CNNM2: variants seen among roughly 807,000 people sequenced by gnomAD.
CNNM2 encodes metal transporter CNNM2.
A neutral mutation model predicts 66.9 loss-of-function variants in CNNM2; 12 were observed. The observed-to-expected ratio is 0.18, with a 90% CI of 0.11 to 0.29. The LOEUF is 0.29. Among genes scored for constraint, CNNM2 ranks in the 10% least tolerant of loss-of-function variants. CNNM2 has a pLI of 1.00. For synonymous variants in CNNM2, 557 were observed against 501.8 expected, an observed-to-expected ratio of 1.11 and a Z score of -1.47; for missense variants, 705 against 1,167.7, an observed-to-expected ratio of 0.60 and a Z score of 5.77.
chr10:103,017,837 A>G, intron 1 of CNNM2, among the ~76,000 whole-genome samples: 1 of 151,750 alleles, frequency 6.6e-6, no homozygotes, highest in East Asian at 1.9e-4. Context: ...GGTAGTGGGC[A>G]CCTGTAATCC....
At chr10:102,970,370 T>A (rs1310414187) in intron 1 of CNNM2, among the ~76,000 whole-genome samples, 1 of 152,232 alleles carries the variant, frequency 6.6e-6, no homozygotes, top group Non-Finnish European at 1.5e-5. Context: ...GTGTCATAAA[T>A]AAATTTTGAT....
intron 1 of CNNM2, among the ~76,000 whole-genome samples, chr10:102,929,356 T>C (rs773828816): frequency 1.5e-4 from 23 of 152,052 alleles, no homozygotes; most frequent in Non-Finnish European, 2.9e-4. Context: ...GGCAGAAGGA[T>C]TGCTTGAATC....
chr10:102,977,591 T>G (rs1028614878), intron 1 of CNNM2, among the ~76,000 whole-genome samples: 10 of 152,054 alleles, frequency 6.6e-5, no homozygotes, highest in Non-Finnish European at 1.0e-4. Flanking sequence ...GAGGCCAAGG[T>G]GGGTGGATCA....
rs1177863579 is a variant in CNNM2 at position 102,918,900 on chromosome 10, G to T, written c.420G>T (p.Pro140=). ...PGERGLGGPA[P]PEPDSGPQRC... ...AGCGCGGGCTGGGGGGCCCCGCGCC[G>T]CCAGAGCCGGACAGCGGCCCCCAGC... The change falls in exon 1 of 8, where the codon CCG becomes CCT. Residue 140 remains proline (P), a synonymous_variant. Coordinates refer to ENST00000369878, the MANE Select transcript of CNNM2 (RefSeq NM_017649.5). The surrounding 1 kb of genome is among the most constrained non-coding windows in gnomAD (Gnocchi z 4.1). The T allele has an allele frequency of 1.9e-6, 3 of 1,610,450 alleles. No homozygotes were observed. In the Admixed American group the frequency reaches 5.0e-5, roughly 27 times the overall value.
chr10:103,035,951 C>A (rs1003607103), intron 1 of CNNM2, among the ~76,000 whole-genome samples: 1 of 152,144 alleles, frequency 6.6e-6, no homozygotes, highest in Non-Finnish European at 1.5e-5. Context: ...TCTGGCATAG[C>A]GCACACACAT....
At chr10:103,009,501 G>A (rs1446756845) in intron 1 of CNNM2, among the ~76,000 whole-genome samples, 2 of 151,868 alleles carry the variant, frequency 1.3e-5, no homozygotes, top group Admixed American at 6.6e-5. Context: ...AGACCAGCCT[G>A]GGCAACACCG....
intron 1 of CNNM2, among the ~76,000 whole-genome samples, chr10:102,968,909 T>TA (rs2063507290): frequency 2.5e-5 from 3 of 120,368 alleles, no homozygotes; most frequent in Non-Finnish European, 5.3e-5. Context: ...GCCAGTGCTG[T>TA]CTTTTTTTTT....
intron 4 of CNNM2, among the ~76,000 whole-genome samples, chr10:103,060,493 C>T (rs555472810): frequency 4.6e-5 from 7 of 151,300 alleles, no homozygotes; most frequent in African/African-American, 1.7e-4. Flanking sequence ...TGCAGTGAGC[C>T]GAGATCGTGC....
intron 4 of CNNM2, among the ~76,000 whole-genome samples, chr10:103,066,938 C>T (rs1231654134): frequency 2.0e-5 from 3 of 152,066 alleles, no homozygotes; most frequent in Admixed American, 6.5e-5. Context: ...TAAGTTTATA[C>T]GGCAAGATAA....
At chr10:103,051,213 A>T (rs2065207064) in intron 2 of CNNM2, among the ~76,000 whole-genome samples, 1 of 152,188 alleles carries the variant, frequency 6.6e-6, no homozygotes, top group African/African-American at 2.4e-5. Flanking sequence ...TGGGTAGATC[A>T]CAAAGTCAAG....
Position 103,077,298 on chromosome 10 carries a change from G to A in CNNM2, c.*118G>A, listed in dbSNP as rs571728554. The stretch of plus-strand genomic sequence containing the variant: ...GCCATGCTGTACCCTGCAACATCCT[G>A]AGACCAAAGACCTTGTGCCCTTCCC... On this transcript the variant is annotated 3_prime_UTR_variant, in exon 8 of 8. Coordinates refer to ENST00000369878, the MANE Select transcript of CNNM2 (RefSeq NM_017649.5). 62 of 877,792 alleles carry A rather than the reference G, an allele frequency of 7.1e-5. 1 individual carries two copies. In the East Asian group the frequency reaches 1.5e-3, roughly 21 times the overall value. 54.4% of individuals were successfully genotyped at this position (877,792 alleles called of 1,614,324 possible). A position where few individuals can be genotyped will look rare whatever the true frequency, so the allele number is the denominator to read the frequency against.
intron 1 of CNNM2, among the ~76,000 whole-genome samples, chr10:102,977,165 G>T (rs1251773381): frequency 2.0e-5 from 3 of 152,180 alleles, no homozygotes; most frequent in African/African-American, 7.2e-5. Flanking sequence ...TGGCCCAATT[G>T]TGACAAGCTC....
intron 1 of CNNM2, among the ~76,000 whole-genome samples, chr10:103,042,615 GAACA>G (rs1308525878): frequency 6.6e-6 from 1 of 152,142 alleles, no homozygotes; most frequent in African/African-American, 2.4e-5. Context: ...GATATTTATG[GAACA>G]AACAAATGAA....
At chr10:103,008,159 C>T (rs2064264371) in intron 1 of CNNM2, among the ~76,000 whole-genome samples, 1 of 150,796 alleles carries the variant, frequency 6.6e-6, no homozygotes, top group African/African-American at 2.4e-5. Flanking sequence ...TTTTTTTAAA[C>T]CAGTTTCCAT....
At chr10:103,005,249 A>G (rs971207545) in intron 1 of CNNM2, among the ~76,000 whole-genome samples, 1 of 152,132 alleles carries the variant, frequency 6.6e-6, no homozygotes, top group Non-Finnish European at 1.5e-5. Context: ...TTTTCTGTAT[A>G]GAGATTTTAT....
At chr10:102,986,930 G>C (rs184328991) in intron 1 of CNNM2, among the ~76,000 whole-genome samples, 2 of 152,250 alleles carry the variant, frequency 1.3e-5, no homozygotes, top group Admixed American at 6.5e-5. Context: ...CTAATAGTGA[G>C]ATATTTTGAT....
intron 1 of CNNM2, among the ~76,000 whole-genome samples, chr10:102,926,100 C>G (rs1303348793): frequency 2.0e-5 from 3 of 152,134 alleles, no homozygotes; most frequent in African/African-American, 7.2e-5. Context: ...ACAGTACATA[C>G]AGATCTGTAA....
chr10:102,962,806 T>C (rs1453613367), intron 1 of CNNM2, among the ~76,000 whole-genome samples: 2 of 151,836 alleles, frequency 1.3e-5, no homozygotes, highest in Non-Finnish European at 2.9e-5. Flanking sequence ...AAACAAAATG[T>C]GCTTTCAGAT....
intron 1 of CNNM2, among the ~76,000 whole-genome samples, chr10:102,972,014 C>G (rs2063554074): frequency 6.6e-6 from 1 of 152,088 alleles, no homozygotes; most frequent in Non-Finnish European, 1.5e-5. Flanking sequence ...AACCCTAACT[C>G]TTAATTTGCA....
Sources: gnomAD v4.1 joint callset for allele counts (sites outside exome capture counted in the v4.1 genomes callset) on GRCh38, gnomAD v4.1.1 for gene constraint, Gnocchi (gnomAD v3.1) non-coding constraint, MANE v1.5 for transcripts, NCBI Gene and HGNC (gene_info 2026-07-23, HGNC 2026-07-21) for gene names.